HORMAD2: variants seen among roughly 807,000 people sequenced by gnomAD.
The protein encoded by HORMAD2 is HORMA domain-containing protein 2.
Under a neutral mutation model 38.8 loss-of-function variants are expected in HORMAD2, and 45 were observed. That is an observed-to-expected ratio of 1.16 (90% confidence interval 0.91 to 1.49). HORMAD2 has a LOEUF of 1.49. HORMAD2 is among the 40% of genes most tolerant of loss of function. HORMAD2 has a pLI of 0.00. For synonymous variants in HORMAD2, 126 were observed against 122.8 expected (o/e 1.03, Z -0.17); for missense variants, 338 against 367.0 (o/e 0.92, Z 0.65).
the HORMAD2 span, among the ~76,000 whole-genome samples, chr22:30,195,187 C>T: frequency 6.7e-5 from 8 of 119,542 alleles, no homozygotes; most frequent in Non-Finnish European, 1.2e-4. Flanking sequence ...AGCGAGACTC[C>T]GTCTCAAAAA....
intron 1 of HORMAD2, among the ~76,000 whole-genome samples, chr22:30,084,973 G>A (rs1021563078): frequency 6.6e-6 from 1 of 151,820 alleles, no homozygotes; most frequent in African/African-American, 2.4e-5. Context: ...GTGAAACCCC[G>A]TCTCTACTAA....
At chr22:30,131,495 T>C (rs1040593624) in intron 10 of HORMAD2, among the ~76,000 whole-genome samples, 2 of 152,220 alleles carry the variant, frequency 1.3e-5, no homozygotes, top group African/African-American at 4.8e-5. Context: ...TGATCCAGAA[T>C]GGCATTTTTT....
At chr22:30,097,076 G>A (rs997682994) in intron 2 of HORMAD2, among the ~76,000 whole-genome samples, 3 of 152,132 alleles carry the variant, frequency 2.0e-5, no homozygotes, top group African/African-American at 7.2e-5. Context: ...GAATTCATGA[G>A]ACATATTTTG....
chr22:30,111,794 A>G lies in HORMAD2; in HGVS notation c.295-2A>G. Reference sequence around the variant, plus strand: ...AATAGTTTTTTTTTCTTTCTCTTGAAGCTACGTATGGCAGTACTGACAGTA... The same window carrying G: ...AATAGTTTTTTTTTCTTTCTCTTGAGGCTACGTATGGCAGTACTGACAGTA... On this transcript the variant is annotated splice_acceptor_variant, in intron 5 of 10. Transcript: ENST00000336726. LOFTEE classifies it high-confidence loss of function. 6.4e-7 allele frequency: 1 copy of G among 1,560,046 alleles called. No homozygotes were observed. The highest frequency in any genetic ancestry group is 8.7e-7 in the Non-Finnish European group (1 of 1,150,272).
chr22:30,113,515 GGCAT>G (rs1177862359), intron 7 of HORMAD2, among the ~76,000 whole-genome samples: 1 of 152,246 alleles, frequency 6.6e-6, no homozygotes, highest in African/African-American at 2.4e-5. Context: ...TGGGATTACT[GGCAT>G]GACCCAGCAT....
At position 30,086,642 on chromosome 22, in the gene HORMAD2, CA is replaced by C. The variant is rs2146056317; in HGVS notation, c.-38+6153del. 2.0e-5 allele frequency among the ~76,000 whole-genome samples: 3 copies of C among 152,158 alleles called. No homozygotes were observed. In the South Asian group the frequency reaches 6.2e-4, roughly 32 times the overall value. On this transcript the variant is annotated intron_variant, in intron 1 of 10. Coordinates refer to ENST00000336726, the MANE Select transcript of HORMAD2 (RefSeq NM_152510.4). Reference sequence around the variant, plus strand: ...GTTTGTAATTTAAAAACTCTGGCTGCAATATACAGAACAGACTGGAGAAGGA... The same window carrying C: ...GTTTGTAATTTAAAAACTCTGGCTGCATATACAGAACAGACTGGAGAAGGA...
intron 10 of HORMAD2, among the ~76,000 whole-genome samples, chr22:30,124,296 C>T (rs999438100): frequency 4.0e-5 from 6 of 150,984 alleles, no homozygotes; most frequent in African/African-American, 1.5e-4. Flanking sequence ...CACACACATA[C>T]ATACATGTGT....
chr22:30,124,616 A>G (rs983411943), intron 10 of HORMAD2, among the ~76,000 whole-genome samples: 2 of 152,128 alleles, frequency 1.3e-5, no homozygotes, highest in African/African-American at 4.8e-5. Context: ...TACTCTGAGT[A>G]TTCTCCTTTA....
chr22:30,166,621 G>A (rs1423182050), intron 10 of HORMAD2, among the ~76,000 whole-genome samples: 1 of 152,180 alleles, frequency 6.6e-6, no homozygotes, highest in East Asian at 1.9e-4. Flanking sequence ...GTAAAGCATT[G>A]CAGAGAGGCA....
chr22:30,161,229 T>C (rs1925422660), intron 10 of HORMAD2, among the ~76,000 whole-genome samples: 1 of 152,234 alleles, frequency 6.6e-6, no homozygotes, highest in Admixed American at 6.5e-5. Flanking sequence ...AAGTGGTCTT[T>C]TTCTGATATT....
At chr22:30,187,535 AT>A in the HORMAD2 span, among the ~76,000 whole-genome samples, 2 of 135,362 alleles carry the variant, frequency 1.5e-5, no homozygotes, top group Admixed American at 7.4e-5. Flanking sequence ...GTGTGTGTGT[AT>A]TTTTTTCCGT....
chr22:30,128,610 C>T (rs1046183194), intron 10 of HORMAD2, among the ~76,000 whole-genome samples: 3 of 152,098 alleles, frequency 2.0e-5, no homozygotes, highest in South Asian at 4.1e-4. Flanking sequence ...ATTTACAGAG[C>T]TTCAACATTT....
At chr22:30,158,936 C>T (rs747921007) in intron 10 of HORMAD2, among the ~76,000 whole-genome samples, 16 of 152,048 alleles carry the variant, frequency 1.1e-4, no homozygotes, top group African/African-American at 1.7e-4. Context: ...CTGCACACCT[C>T]GGCCTCCAAA....
intron 10 of HORMAD2, among the ~76,000 whole-genome samples, chr22:30,166,059 G>T (rs1925762327): frequency 6.8e-6 from 1 of 146,986 alleles, no homozygotes; most frequent in African/African-American, 2.5e-5. Flanking sequence ...TTCTTTTTAA[G>T]GTTTTCCCAT....
In HORMAD2 at chr22:30,131,246, A is replaced by C. The variant is rs761221139; in HGVS notation, c.819+9032A>C. On this transcript the variant is annotated intron_variant, in intron 10 of 10. Transcript: ENST00000336726. ...AATTCTAGTAATTACTTACACAGAC[A>C]GTGATAAAAAGATGGAGGGCTAATG... is the stretch of plus-strand genomic sequence containing the variant. Among the ~76,000 whole-genome samples, 109 of 152,250 alleles carry C rather than the reference A, an allele frequency of 7.2e-4. 1 individual carries two copies. The highest frequency in any genetic ancestry group is 1.9e-4 in the Non-Finnish European group (13 of 68,048).
At chr22:30,135,166 A>C in intron 10 of HORMAD2, among the ~76,000 whole-genome samples, 1 of 151,774 alleles carries the variant, frequency 6.6e-6, no homozygotes, top group East Asian at 1.9e-4. Flanking sequence ...AGAGGTAAAA[A>C]CCCTATATTA....
Position 30,134,158 on chromosome 22 carries a change from C to T in HORMAD2, c.819+11944C>T, listed in dbSNP as rs550495610. Among the ~76,000 whole-genome samples the T allele has an allele frequency of 1.7e-3, 265 of 151,954 alleles. 2 individuals are homozygous for T. In the Middle Eastern group the frequency reaches 0.027, roughly 16 times the overall value. On this transcript the variant is annotated intron_variant, in intron 10 of 10. Transcript: ENST00000336726. The stretch of plus-strand genomic sequence containing the variant: ...TAATGCCTGTAATCCCAGCACTCTG[C>T]GAGGCCAAGGCGGGTGATCACCTGA...
At chr22:30,109,630 T>G (rs1275303398) in intron 5 of HORMAD2, among the ~76,000 whole-genome samples, 1 of 152,208 alleles carries the variant, frequency 6.6e-6, no homozygotes, top group Non-Finnish European at 1.5e-5. Flanking sequence ...AATTTTCTGA[T>G]TTGTATTCTA....
chr22:30,187,802 T>C, the HORMAD2 span, among the ~76,000 whole-genome samples: 2 of 152,232 alleles, frequency 1.3e-5, no homozygotes, highest in South Asian at 4.1e-4. Context: ...TGTTTCAGCC[T>C]AGAGACATAC....
Sources: gnomAD v4.1 joint callset for allele counts (sites outside exome capture counted in the v4.1 genomes callset) on GRCh38, gnomAD v4.1.1 for gene constraint, MANE v1.5 for transcripts, NCBI Gene and HGNC (gene_info 2026-07-23, HGNC 2026-07-21) for gene names.